RASA2: variants seen among roughly 807,000 people sequenced by gnomAD.
The protein encoded by RASA2 is ras GTPase-activating protein 2.
In RASA2, 155 loss-of-function variants were observed where a neutral mutation model predicts 118.2. The observed-to-expected ratio is 1.31, with a 90% CI of 1.15 to 1.50. The LOEUF is 1.50. RASA2 is among the 40% of genes most tolerant of loss of function. RASA2 has a pLI of 0.00. For missense variants in RASA2, 1,016 were observed against 1,009.6 expected, an observed-to-expected ratio of 1.01 and a Z score of -0.09; for synonymous variants, 353 against 349.1, an observed-to-expected ratio of 1.01 and a Z score of -0.12.
chr3:141,561,821 G>A (rs2082733327), intron 9 of RASA2, among the ~76,000 whole-genome samples: 1 of 152,176 alleles, frequency 6.6e-6, no homozygotes, highest in Non-Finnish European at 1.5e-5. Context: ...TAGATAAAAT[G>A]AATTACTGGG....
chr3:141,581,697 A>G (rs1415045563), intron 17 of RASA2, among the ~76,000 whole-genome samples: 3 of 152,190 alleles, frequency 2.0e-5, no homozygotes, highest in South Asian at 4.1e-4. Context: ...CTTAATTGCC[A>G]TAGTAAAAAA....
chr3:141,574,857 G>C (rs1342803392), intron 14 of RASA2, among the ~76,000 whole-genome samples: 4 of 152,136 alleles, frequency 2.6e-5, no homozygotes, highest in Non-Finnish European at 5.9e-5. Flanking sequence ...TACAGAAATG[G>C]TCTTAGACAT....
At chr3:141,555,436 C>T (rs937383900) in intron 6 of RASA2, among the ~76,000 whole-genome samples, 4 of 151,976 alleles carry the variant, frequency 2.6e-5, no homozygotes. Context: ...CTCTATTATA[C>T]CTGAAGCCCA....
chr3:141,562,088 G>A (rs1225469344), intron 9 of RASA2, among the ~76,000 whole-genome samples: 1 of 151,772 alleles, frequency 6.6e-6, no homozygotes, highest in South Asian at 2.1e-4. Flanking sequence ...AAGTAGCTGG[G>A]ACTTCAGGCA....
chr3:141,535,881 C>T (rs564443514), intron 4 of RASA2, among the ~76,000 whole-genome samples: 1 of 152,296 alleles, frequency 6.6e-6, no homozygotes, highest in Admixed American at 6.5e-5. Flanking sequence ...GATCACATTT[C>T]ATCATGAGAT....
intron 5 of RASA2, among the ~76,000 whole-genome samples, chr3:141,544,497 T>G (rs1454444018): frequency 1.3e-5 from 2 of 152,220 alleles, no homozygotes; most frequent in African/African-American, 4.8e-5. Context: ...TTTCTATTGT[T>G]ATGTCTTCAA....
chr3:141,546,348 T>G (rs1396502287), intron 5 of RASA2, among the ~76,000 whole-genome samples: 1 of 152,222 alleles, frequency 6.6e-6, no homozygotes, highest in Non-Finnish European at 1.5e-5. Context: ...CTCACCAATA[T>G]TTGTTACGCA....
chr3:141,597,626 A>G (rs550042291), intron 19 of RASA2, among the ~76,000 whole-genome samples: 185 of 152,324 alleles, frequency 1.2e-3, no homozygotes, highest in Non-Finnish European at 2.1e-3. Context: ...GCTCACCTTA[A>G]TAAAGCTTTT....
At chr3:141,555,418 T>G (rs2082634505) in intron 6 of RASA2, among the ~76,000 whole-genome samples, 1 of 152,178 alleles carries the variant, frequency 6.6e-6, no homozygotes. Flanking sequence ...AAGATTTTTT[T>G]AAGAAGTCTC....
chr3:141,546,308 A>G (rs575811992), intron 5 of RASA2, among the ~76,000 whole-genome samples: 3 of 152,346 alleles, frequency 2.0e-5, no homozygotes, highest in Admixed American at 2.0e-4. Context: ...TGCCACCAGC[A>G]GTGTACAAGG....
chr3:141,492,304 T>G (rs2081649140), intron 1 of RASA2, among the ~76,000 whole-genome samples: 1 of 152,264 alleles, frequency 6.6e-6, no homozygotes, highest in Non-Finnish European at 1.5e-5. Context: ...AATATCAGAT[T>G]ACATGTTTTT....
chr3:141,548,642 T>A (rs1038779209), intron 5 of RASA2, among the ~76,000 whole-genome samples: 1 of 152,198 alleles, frequency 6.6e-6, no homozygotes, highest in Non-Finnish European at 1.5e-5. Context: ...TGGCTTTCTT[T>A]GTGCTTCTTG....
chr3:141,572,078 AT>A (rs772244495), intron 11 of RASA2, among the ~76,000 whole-genome samples: 106 of 147,392 alleles, frequency 7.2e-4, no homozygotes, highest in Non-Finnish European at 1.3e-3. Context: ...ACACACACAC[AT>A]ATGTATTGAG....
At chr3:141,609,649 GACAA>G in intron 22 of RASA2, 126 bp downstream of exon 22, 1 of 884,330 alleles carries the variant, frequency 1.1e-6, no homozygotes, top group Non-Finnish European at 1.6e-6. Context: ...ATTGAAAGTT[GACAA>G]ACCCACAGAG....
At chr3:141,488,880 G>A (rs992750220) in intron 1 of RASA2, among the ~76,000 whole-genome samples, 2 of 152,106 alleles carry the variant, frequency 1.3e-5, no homozygotes, top group African/African-American at 4.8e-5. Context: ...TCACTGGTAC[G>A]TAACTGCAGG....
At chr3:141,498,667 G>A (rs920442739) in intron 1 of RASA2, among the ~76,000 whole-genome samples, 9 of 151,942 alleles carry the variant, frequency 5.9e-5, no homozygotes, top group African/African-American at 1.7e-4. Flanking sequence ...GAGGGGGGGC[G>A]AAGATCAATA....
At chr3:141,493,506 G>C (rs148480212) in intron 1 of RASA2, among the ~76,000 whole-genome samples, 226 of 152,202 alleles carry the variant, frequency 1.5e-3, no homozygotes, top group African/African-American at 5.0e-3. Context: ...AGTTCCATAG[G>C]GGGTGATGTT....
Position 141,555,861 on chromosome 3 carries a change from A to C in RASA2, c.633A>C (p.Lys211Asn). The C allele has an allele frequency of 1.2e-6, 2 of 1,612,788 alleles. No homozygotes were observed. Among genetic ancestry groups the C allele is most frequent in the Non-Finnish European group, 1.7e-6 (2 of 1,179,380 alleles). The change falls in exon 7 of 24, where the codon AAA becomes AAC. Residue 211 changes from lysine to asparagine, a missense_variant. By Grantham distance (94) the Lys-to-Asn change is moderately conservative. This residue lies in a region of RASA2 where 896 missense variants were observed against 836.4 expected (regional missense o/e 1.07). Coordinates refer to ENST00000286364, the MANE Select transcript of RASA2 (RefSeq NM_006506.5). ...ACAGGAATGACCAAAAGAAGACAAA[A>C]GTAAAGAAGAAAACAAGCAATCCGC... is the stretch of plus-strand genomic sequence containing the variant. ...GPSRNDQKKTKVKKKTSNPQF... is the reference protein window; with the variant it reads ...GPSRNDQKKTNVKKKTSNPQF...
At chr3:141,520,384 C>T (rs889041232) in intron 3 of RASA2, among the ~76,000 whole-genome samples, 1 of 152,032 alleles carries the variant, frequency 6.6e-6, no homozygotes, top group South Asian at 2.1e-4. Context: ...TGTGGTGTAC[C>T]TGCTGGAGGA....
Sources: gnomAD v4.1 joint callset for allele counts (sites outside exome capture counted in the v4.1 genomes callset) on GRCh38, gnomAD v4.1.1 for gene constraint, gnomAD v4.1.1 regional missense constraint, MANE v1.5 for transcripts, NCBI Gene and HGNC (gene_info 2026-07-23, HGNC 2026-07-21) for gene names.